PRXL2A: variants seen among roughly 807,000 people sequenced by gnomAD.
PRXL2A encodes peroxiredoxin-like 2A.
PRXL2A carries 26 observed loss-of-function variants against 25.6 expected under a neutral mutation model. The observed-to-expected ratio is 1.02, with a 90% CI of 0.74 to 1.41. PRXL2A has a LOEUF of 1.41. PRXL2A is among the 40% of genes most tolerant of loss of function. The pLI, the probability that PRXL2A is intolerant of heterozygous loss-of-function variation, is 0.00. For synonymous variants in PRXL2A, 98 were observed against 102.9 expected (o/e 0.95, Z 0.29); for missense variants, 246 against 273.9 (o/e 0.90, Z 0.72).
intron 1 of PRXL2A, among the ~76,000 whole-genome samples, chr10:80,417,053 AG>A (rs950801291): frequency 4.0e-5 from 6 of 150,368 alleles, no homozygotes. Context: ...CCCCGAGGAA[AG>A]GGCTTGATTA....
intron 1 of PRXL2A, among the ~76,000 whole-genome samples, chr10:80,414,688 C>T (rs1844594419): frequency 6.6e-6 from 1 of 152,186 alleles, no homozygotes; most frequent in South Asian, 2.1e-4. Flanking sequence ...TGTAGTACTG[C>T]TGCCTGCTGG....
In PRXL2A at chr10:80,434,461, C is replaced by T. The variant is rs915654146; in HGVS notation, c.*2362C>T. On this transcript the variant is annotated 3_prime_UTR_variant, in exon 6 of 6. Transcript: ENST00000606162. ...TGCTTCTCAGACTGTAATGTACATGCACATCACATAAGGACCTTATTAAAA... is the reference window on the plus strand; with the variant it reads ...TGCTTCTCAGACTGTAATGTACATGTACATCACATAAGGACCTTATTAAAA... 4.6e-5 allele frequency: 7 copies of T among 152,116 alleles called. No individual in the cohort carries two copies. Among genetic ancestry groups the T allele is most frequent in the African/African-American group, 1.4e-4 (6 of 41,404 alleles). 9.4% of individuals were successfully genotyped at this position (152,116 alleles called of 1,614,324 possible). A position where few individuals can be genotyped will look rare whatever the true frequency, so the allele number is the denominator to read the frequency against.
At position 80,434,655 on chromosome 10, in the gene PRXL2A, G is replaced by A. The variant is rs1266795058; in HGVS notation, c.*2556G>A. The A allele has an allele frequency of 1.3e-5, 2 of 152,162 alleles. No homozygotes were observed. The highest frequency in any genetic ancestry group is 2.9e-5 in the Non-Finnish European group (2 of 68,052). The allele number at this position is 152,162 out of a possible 1,614,324, so 9.4% of individuals were successfully genotyped here. ...GAGGTTCAAATAGAACTAGGGAAGT[G>A]CAAAATTACAAAAAGCTGGTAAGGA... is the stretch of plus-strand genomic sequence containing the variant. On this transcript the variant is annotated 3_prime_UTR_variant, in exon 6 of 6. Coordinates refer to ENST00000606162, the MANE Select transcript of PRXL2A (RefSeq NM_032333.5).
Position 80,431,987 on chromosome 10 carries a change from G to T in PRXL2A, c.578G>T (p.Gly193Val). ...ACATTATCTCTTGTTTCCTTTTAGG[G>T]CATTCTTCTTGAGCACCGAGAAAAA... is the stretch of plus-strand genomic sequence containing the variant. ...GVFVVGSGKQ[G>V]ILLEHREKEF... Residue 193 changes from glycine to valine, a missense_variant and splice_region_variant, in exon 6 of 6, where the codon GGC becomes GTC. By Grantham distance (109) the Gly-to-Val change is moderately radical (BLOSUM62 -3). Transcript: ENST00000606162. 1 of 1,603,978 alleles carries T rather than the reference G, an allele frequency of 6.2e-7. No homozygotes were observed. The highest frequency in any genetic ancestry group is 8.5e-7 in the Non-Finnish European group (1 of 1,172,618).
chr10:80,429,913 T>C (rs1013757355), intron 5 of PRXL2A, among the ~76,000 whole-genome samples: 14 of 152,110 alleles, frequency 9.2e-5, no homozygotes, highest in Non-Finnish European at 1.8e-4. Flanking sequence ...TCATGGGCCC[T>C]ACTGGCATGT....
Position 80,432,129 on chromosome 10 carries a change from C to G in PRXL2A, c.*30C>G. On this transcript the variant is annotated 3_prime_UTR_variant, in exon 6 of 6. Coordinates refer to ENST00000606162, the MANE Select transcript of PRXL2A (RefSeq NM_032333.5). ...GTGAAACTGCCCAGCTCAGGGATAACCAGGGACATTCACCTGTGTTCATGG... is the reference window on the plus strand; with the variant it reads ...GTGAAACTGCCCAGCTCAGGGATAAGCAGGGACATTCACCTGTGTTCATGG... 7.4e-7 allele frequency: 1 copy of G among 1,349,296 alleles called. No homozygotes were observed. Among genetic ancestry groups the G allele is most frequent in the Non-Finnish European group, 1.1e-6 (1 of 950,502 alleles). 83.6% of individuals were successfully genotyped at this position (1,349,296 alleles called of 1,614,324 possible).
intron 3 of PRXL2A, 75 bp from the exon 4 acceptor site, chr10:80,425,791 A>G: frequency 6.3e-7 from 1 of 1,578,136 alleles, no homozygotes; most frequent in Non-Finnish European, 8.7e-7. Context: ...TGGGCTGCAG[A>G]GGGAACCTGA....
At chr10:80,425,797 CCTGACACCCTA>C in intron 3 of PRXL2A, 58 bp from the exon 4 acceptor site, 1 of 1,592,614 alleles carries the variant, frequency 6.3e-7, no homozygotes, top group Non-Finnish European at 8.6e-7. Flanking sequence ...GCAGAGGGAA[CCTGACACCCTA>C]TGTGGAGGCC....
intron 1 of PRXL2A, among the ~76,000 whole-genome samples, chr10:80,419,671 A>G (rs1844793408): frequency 6.6e-6 from 1 of 152,284 alleles, no homozygotes; most frequent in African/African-American, 2.4e-5. Context: ...AGTTCTGTTC[A>G]CAGGAGAAAA....
In PRXL2A at chr10:80,432,012, A is replaced by C. The variant is rs1363536650; in HGVS notation, c.603A>C (p.Lys201Asn). ...GCATTCTTCTTGAGCACCGAGAAAAAGAATTTGGAGACAAAGTAAACCTAC... is the reference window on the plus strand; with the variant it reads ...GCATTCTTCTTGAGCACCGAGAAAACGAATTTGGAGACAAAGTAAACCTAC... Reference protein sequence around the residue: ...KQGILLEHREKEFGDKVNLLS... With the variant: ...KQGILLEHRENEFGDKVNLLS... The change falls in exon 6 of 6, where the codon AAA becomes AAC. Residue 201 changes from lysine to asparagine, a missense_variant. Lys to Asn is a moderately conservative substitution (Grantham distance 94). Coordinates refer to ENST00000606162, the MANE Select transcript of PRXL2A (RefSeq NM_032333.5). 3 of 1,610,894 alleles carry C rather than the reference A, an allele frequency of 1.9e-6. No homozygotes were observed. Among genetic ancestry groups the C allele is most frequent in the Non-Finnish European group, 2.5e-6 (3 of 1,178,842 alleles).
At chr10:80,417,160 C>A (rs1844688971) in intron 1 of PRXL2A, among the ~76,000 whole-genome samples, 1 of 152,086 alleles carries the variant, frequency 6.6e-6, no homozygotes, top group Non-Finnish European at 1.5e-5. Context: ...AAAATGGTTA[C>A]AGAGAGATAA....
rs2131896476 is a variant in PRXL2A at position 80,422,419 on chromosome 10, C to G, written c.181C>G (p.Pro61Ala). 6.2e-7 allele frequency: 1 copy of G among 1,613,248 alleles called. No homozygotes were observed. Reference protein sequence around the residue: ...DIDLKTLEKEPRTFKAKELWE... With the variant: ...DIDLKTLEKEARTFKAKELWE... ...AATTTCTTTTTTTCCTCTCTTAGAA[C>G]CAAGGACTTTCAAAGCAAAGGAGCT... Residue 61 changes from proline (P) to alanine (A), a missense_variant and splice_region_variant, in exon 3 of 6, where the codon CCA (proline) becomes GCA (alanine). Transcript: ENST00000606162.
At chr10:80,427,533 CTG>C in intron 5 of PRXL2A, 37 bp downstream of exon 5, 3 of 1,608,002 alleles carry the variant, frequency 1.9e-6, no homozygotes, top group Non-Finnish European at 2.6e-6. Context: ...CTGTAGGTGT[CTG>C]TGTCTGTGAG....
At chr10:80,408,169 TAA>T (rs11460235), upstream of PRXL2A, among the ~76,000 whole-genome samples, 124 of 141,138 alleles carry the variant, frequency 8.8e-4, no homozygotes, top group African/African-American at 1.5e-3. Flanking sequence ...CCATGGAGGT[TAA>T]AAAAAAAAAA....
In PRXL2A at chr10:80,435,083, G is replaced by A. The variant is rs118068989; in HGVS notation, c.*2984G>A. On this transcript the variant is annotated 3_prime_UTR_variant, in exon 6 of 6. Transcript: ENST00000606162. ...ACAAAAGTTAGCCTGTTGTGGTGGCGCGCACCTGTAATCCCAGCTACTCGG... is the reference window on the plus strand; with the variant it reads ...ACAAAAGTTAGCCTGTTGTGGTGGCACGCACCTGTAATCCCAGCTACTCGG... The A allele has an allele frequency of 0.087, 13,303 of 152,106 alleles. 885 individuals are homozygous for A. Among genetic ancestry groups the A allele is most frequent in the African/African-American group, 0.19 (7,721 of 41,414 alleles). The allele number at this position is 152,106 out of a possible 1,614,324, so 9.4% of individuals were successfully genotyped here.
At chr10:80,417,785 T>TG (rs1564689844) in intron 1 of PRXL2A, among the ~76,000 whole-genome samples, 1 of 150,226 alleles carries the variant, frequency 6.7e-6, no homozygotes, top group South Asian at 2.1e-4. Flanking sequence ...GACAAGGTCT[T>TG]GCTCTGTCAC....
In PRXL2A at chr10:80,436,835, G is replaced by GTC. The variant is rs1187343505; in HGVS notation, c.*4737_*4738dup. On this transcript the variant is annotated 3_prime_UTR_variant, in exon 6 of 6. Transcript: ENST00000606162. ...ATGATCTGACCTACCGTGTTTGACT[G>GTC]TCGTAAGATACCCATTCCAGAGAGG... is the stretch of plus-strand genomic sequence containing the variant. 2.0e-5 allele frequency: 3 copies of GTC among 150,562 alleles called. No homozygotes were observed. The East Asian group carries it at 5.8e-4, about 29-fold the overall frequency. 9.3% of individuals were successfully genotyped at this position (150,562 alleles called of 1,614,324 possible).
chr10:80,431,990 T>C lies in PRXL2A; in HGVS notation c.581T>C (p.Ile194Thr), dbSNP rs1400145289. The C allele has an allele frequency of 6.2e-7, 1 of 1,608,842 alleles. No individual in the cohort carries two copies. Among genetic ancestry groups the C allele is most frequent in the East Asian group, 2.2e-5 (1 of 44,804 alleles). Reference sequence around the variant, plus strand: ...TTATCTCTTGTTTCCTTTTAGGGCATTCTTCTTGAGCACCGAGAAAAAGAA... The same window carrying C: ...TTATCTCTTGTTTCCTTTTAGGGCACTCTTCTTGAGCACCGAGAAAAAGAA... ...VFVVGSGKQG[I>T]LLEHREKEFG... The change falls in exon 6 of 6, where the codon ATT becomes ACT. Residue 194 changes from isoleucine to threonine, a missense_variant. By Grantham distance (89) the Ile-to-Thr change is moderately conservative. Transcript: ENST00000606162.
At chr10:80,425,631 G>T (rs1845015140) in intron 3 of PRXL2A, among the ~76,000 whole-genome samples, 1 of 152,234 alleles carries the variant, frequency 6.6e-6, no homozygotes, top group South Asian at 2.1e-4. Context: ...GTTTGGTCTA[G>T]TGCAGGGAAG....
Sources: allele counts gnomAD v4.1 joint callset (sites outside exome capture counted in the v4.1 genomes callset), GRCh38; gene constraint gnomAD v4.1.1; transcripts MANE v1.5; gene names NCBI Gene and HGNC (gene_info 2026-07-23, HGNC 2026-07-21).